Variants in RBFOX1 observed in about 807,000 individuals in gnomAD.
RBFOX1 encodes RNA binding fox-1 homolog 1.
RBFOX1 carries 8 observed loss-of-function variants against 57.7 expected under a neutral mutation model. The observed-to-expected ratio is 0.14, with a 90% CI of 0.08 to 0.25. The LOEUF (loss-of-function observed/expected upper bound fraction) is 0.25, where lower values mean the gene tolerates loss of function less well. Among genes scored for constraint, RBFOX1 ranks in the 10% least tolerant of loss-of-function variants. The pLI is 1.00. For missense variants in RBFOX1, 611 were observed against 548.5 expected (o/e 1.11, Z -1.14); for synonymous variants, 326 against 222.4 (o/e 1.47, Z -4.15).
At chr16:6,062,786 G>A (rs1004712715) in intron 1 of RBFOX1, among the ~76,000 whole-genome samples, 1 of 151,938 alleles carries the variant, frequency 6.6e-6, no homozygotes, top group Non-Finnish European at 1.5e-5. Context: ...CTTAGGAATT[G>A]TCTCATGTGC....
rs1363519923 is a variant in RBFOX1, at chr16:5,491,163, T to C, written c.258+23909T>C. ...AACATCGTTACATGGTGTGTGACTA[T>C]GTAATAAACACACAAAAAAGCAATC... On this transcript the variant is annotated intron_variant, in intron 2 of 2. Transcript: ENST00000585867. 2.6e-5 allele frequency among the ~76,000 whole-genome samples: 4 copies of C among 152,134 alleles called. No individual in the cohort carries two copies. The East Asian group carries it at 7.7e-4, about 29-fold the overall frequency.
chr16:7,613,481 C>T lies in RBFOX1; in HGVS notation c.676+6143C>T, dbSNP rs372066175. Among the ~76,000 whole-genome samples, 10 of 152,202 alleles carry T rather than the reference C, an allele frequency of 6.6e-5. No homozygotes were observed. In the East Asian group the frequency reaches 9.7e-4, roughly 15 times the overall value. On this transcript the variant is annotated intron_variant, in intron 10 of 15. Coordinates refer to ENST00000550418, the MANE Select transcript of RBFOX1 (RefSeq NM_018723.4). ...ATCCATTTCAGAAAGAACCTGGCCA[C>T]GGATCACATGACTTGATGCTGGGCT...
chr16:5,254,705 C>A (rs1410238697), intron 1 of RBFOX1, among the ~76,000 whole-genome samples: 1 of 152,166 alleles, frequency 6.6e-6, no homozygotes, highest in Non-Finnish European at 1.5e-5. Context: ...AACAACAGTT[C>A]CAGCGTTTAG....
rs186688068 is a variant in RBFOX1 at position 7,429,190 on chromosome 16, G to C, written c.28-88957G>C. 2.5e-3 allele frequency among the ~76,000 whole-genome samples: 380 copies of C among 152,256 alleles called. 5 individuals are homozygous for C. The highest frequency in any genetic ancestry group is 7.8e-4 in the Non-Finnish European group (53 of 68,012). The stretch of plus-strand genomic sequence containing the variant: ...AATCTTGTGAACCAGAGCAAGTGGA[G>C]GGGACATCTACTGGACAGAGGCACA... On this transcript the variant is annotated intron_variant, in intron 4 of 15. Transcript: ENST00000550418.
chr16:6,819,547 T>C (rs906640980), intron 3 of RBFOX1, among the ~76,000 whole-genome samples: 1 of 150,978 alleles, frequency 6.6e-6, no homozygotes, highest in African/African-American at 2.4e-5. Context: ...CTACTAAAAA[T>C]ACAAAATTAG....
intron 1 of RBFOX1, among the ~76,000 whole-genome samples, chr16:6,266,489 A>G (rs958276901): frequency 2.6e-5 from 4 of 152,094 alleles, no homozygotes; most frequent in Non-Finnish European, 5.9e-5. Flanking sequence ...CTAGGCAGGC[A>G]GATCACTTGA....
chr16:6,659,724 A>T (rs1340220534), intron 3 of RBFOX1, among the ~76,000 whole-genome samples: 1 of 152,158 alleles, frequency 6.6e-6, no homozygotes, highest in East Asian at 1.9e-4. Flanking sequence ...TAGCTGGTTC[A>T]CAGTGAGGAT....
chr16:5,598,929 C>T (rs1396607418), exon 3 of RBFOX1: 3 of 1,531,404 alleles, frequency 2.0e-6, no homozygotes, highest in African/African-American at 2.7e-5. Context: ...TTCAACCCTC[C>T]TCCCCGGTGC....
chr16:5,514,729 G>A (rs74004358), intron 2 of RBFOX1, among the ~76,000 whole-genome samples: 1,974 of 152,058 alleles, frequency 0.013, 52 homozygotes, highest in African/African-American at 0.046. Flanking sequence ...GGAGGAGCAG[G>A]AGGAGGAGGA....
intron 3 of RBFOX1, among the ~76,000 whole-genome samples, chr16:5,704,494 C>T (rs1400598160): frequency 6.6e-6 from 1 of 152,248 alleles, no homozygotes; most frequent in South Asian, 2.1e-4. Flanking sequence ...CAACCAGGCC[C>T]AGCTACTTTG....
intron 3 of RBFOX1, among the ~76,000 whole-genome samples, chr16:6,657,824 TTTTTATTTTA>T (rs113616956): frequency 6.6e-6 from 1 of 151,928 alleles, no homozygotes; most frequent in Non-Finnish European, 1.5e-5. Context: ...TTTAAAGCTC[TTTTTATTTTA>T]TTTTATTTTA....
chr16:6,965,286 TAA>T (rs2083876914), intron 3 of RBFOX1, among the ~76,000 whole-genome samples: 2 of 151,882 alleles, frequency 1.3e-5, no homozygotes, highest in Admixed American at 1.3e-4. Context: ...TGACCAAACA[TAA>T]ACAAATCCAA....
In RBFOX1 at chr16:7,711,552, G is replaced by GA. The variant is rs2084000767; in HGVS notation, c.*813dup. 1 of 152,088 alleles carries GA rather than the reference G, an allele frequency of 6.6e-6. No homozygotes were observed. The highest frequency in any genetic ancestry group is 6.6e-5 in the Admixed American group (1 of 15,226). The allele number at this position is 152,088 out of a possible 1,614,324, so 9.4% of individuals were successfully genotyped here. On this transcript the variant is annotated 3_prime_UTR_variant, in exon 16 of 16. Transcript: ENST00000550418. ...CTGCTGACTTTTATATTATGGGAGG[G>GA]AAAAAATAACATTAATAAAAAGGTG...
Position 7,584,016 on chromosome 16 carries a change from T to C in RBFOX1, c.415-3231T>C, listed in dbSNP as rs150917348. On this transcript the variant is annotated intron_variant, in intron 6 of 15. Transcript: ENST00000550418. Reference sequence around the variant, plus strand: ...TATGACGTTAATGGAAAGTTCCATCTACCATGATGTTGTGAGTGAAGTCAT... The same window carrying C: ...TATGACGTTAATGGAAAGTTCCATCCACCATGATGTTGTGAGTGAAGTCAT... Among the ~76,000 whole-genome samples the C allele has an allele frequency of 4.0e-3, 609 of 152,310 alleles. 4 individuals are homozygous for C. The highest frequency in any genetic ancestry group is 6.8e-3 in the Non-Finnish European group (462 of 68,016).
At chr16:7,024,639 G>T (rs1247827150) in intron 3 of RBFOX1, among the ~76,000 whole-genome samples, 2 of 152,144 alleles carry the variant, frequency 1.3e-5, no homozygotes, top group African/African-American at 4.8e-5. Flanking sequence ...TTTGTTTGAT[G>T]CTTAGGGAGA....
intron 3 of RBFOX1, among the ~76,000 whole-genome samples, chr16:6,976,647 A>G (rs2046975): frequency 0.67 from 99,973 of 149,892 alleles, 33,656 homozygotes; most frequent in Middle Eastern, 0.74. Flanking sequence ...CCTAGGTACA[A>G]TGTTTATATA....
intron 3 of RBFOX1, among the ~76,000 whole-genome samples, chr16:6,757,109 T>C (rs111635180): frequency 1.1e-4 from 17 of 152,260 alleles, no homozygotes; most frequent in African/African-American, 3.1e-4. Context: ...TATAATTTCA[T>C]CCCAATTAGA....
intron 10 of RBFOX1, among the ~76,000 whole-genome samples, chr16:7,628,373 C>T (rs1382638408): frequency 1.3e-5 from 2 of 152,118 alleles, no homozygotes; most frequent in African/African-American, 4.8e-5. Flanking sequence ...TAGCAGTGAG[C>T]AGAAGCACAT....
intron 10 of RBFOX1, among the ~76,000 whole-genome samples, chr16:7,608,342 C>G (rs971648598): frequency 6.6e-6 from 1 of 152,154 alleles, no homozygotes; most frequent in Non-Finnish European, 1.5e-5. Flanking sequence ...AACAACCAGT[C>G]TGACAAAATT....
Sources: allele counts gnomAD v4.1 joint callset (sites outside exome capture counted in the v4.1 genomes callset), GRCh38; gene constraint gnomAD v4.1.1; transcripts MANE v1.5; gene names NCBI Gene and HGNC (gene_info 2026-07-23, HGNC 2026-07-21).